TULP1: variants seen among roughly 807,000 people sequenced by gnomAD.
TULP1 encodes TUB like protein 1.
A neutral mutation model predicts 67.1 loss-of-function variants in TULP1; 50 were observed. The ratio of observed to expected loss-of-function variants is 0.75; its 90% CI spans 0.59 to 0.94. The LOEUF (loss-of-function observed/expected upper bound fraction) is 0.94. Among genes scored for constraint, TULP1 ranks in the 40% least tolerant of loss-of-function variants. The pLI is 0.00. For missense variants in TULP1, 746 were observed against 734.1 expected (o/e 1.02, Z -0.19); for synonymous variants, 297 against 294.0 (o/e 1.01, Z -0.11).
intron 14 of TULP1, among the ~76,000 whole-genome samples, chr6:35,499,039 C>T (rs1203677966): frequency 6.6e-6 from 1 of 152,224 alleles, no homozygotes; most frequent in African/African-American, 2.4e-5. Flanking sequence ...AGCAGTCCCA[C>T]AGCCACAGGA....
chr6:35,508,696 G>T (rs1402675446), intron 8 of TULP1, among the ~76,000 whole-genome samples: 1 of 152,226 alleles, frequency 6.6e-6, no homozygotes, highest in African/African-American at 2.4e-5. Context: ...AAGCTTGGAG[G>T]AGAAACAGGG....
At chr6:35,499,077 G>A (rs1054269182) in intron 14 of TULP1, among the ~76,000 whole-genome samples, 1 of 152,206 alleles carries the variant, frequency 6.6e-6, no homozygotes, top group Non-Finnish European at 1.5e-5. Context: ...ACATCCCTAG[G>A]ATGCAGTTGG....
chr6:35,501,598 GGTCAGGAGTTCAAGACCAA>G (rs1464676055), intron 13 of TULP1, among the ~76,000 whole-genome samples: 1 of 141,854 alleles, frequency 7.0e-6, no homozygotes, highest in African/African-American at 3.1e-5. Flanking sequence ...GGTCACTTGA[GGTCAGGAGTTCAAGACCAA>G]CCTGGCCATC....
chr6:35,511,900 C>T, intron 3 of TULP1, 94 bp from the exon 4 acceptor site: 5 of 1,356,830 alleles, frequency 3.7e-6, no homozygotes, highest in Non-Finnish European at 4.9e-6. Flanking sequence ...CGCACCCCCT[C>T]GGGCTCCTCA....
rs771233181 is a variant in TULP1 at position 35,503,533 on chromosome 6, A to T, written c.1323+26T>A. On this transcript the variant is annotated intron_variant, in intron 13 of 14. Coordinates refer to ENST00000229771, the MANE Select transcript of TULP1 (RefSeq NM_003322.6). This position sits in a 1 kb window ranked among gnomAD's most constrained non-coding sequence, Gnocchi z 4.0. ...ACTCCTGTTTCTCACATAGGGAGCC[A>T]GGGGCCAGGGAGGTGCGGGGCTCAC... The T allele has an allele frequency of 3.2e-6, 5 of 1,550,632 alleles. No homozygotes were observed. Among genetic ancestry groups the T allele is most frequent in the Middle Eastern group, 1.7e-4 (1 of 6,000 alleles).
intron 11 of TULP1, chr6:35,505,405 T>C: frequency 2.4e-6 from 1 of 424,198 alleles, no homozygotes; most frequent in Non-Finnish European, 4.5e-6. Flanking sequence ...TAATATGTGT[T>C]CAGTGCTAGG....
chr6:35,507,976 C>T (rs745383378), intron 8 of TULP1, among the ~76,000 whole-genome samples: 7 of 151,894 alleles, frequency 4.6e-5, no homozygotes, highest in Non-Finnish European at 1.0e-4. Context: ...CACCATGCCC[C>T]GATAATTTTT....
In TULP1 at chr6:35,498,258, C is replaced by A. The variant is rs1034024489; in HGVS notation, c.*69G>T. Reference sequence around the variant, plus strand: ...TCCGCGGGAGCTTTGCTGGAGGGACCCTGCCAGCCTCCACTGAATCCTTTC... The same window carrying A: ...TCCGCGGGAGCTTTGCTGGAGGGACACTGCCAGCCTCCACTGAATCCTTTC... On this transcript the variant is annotated 3_prime_UTR_variant, in exon 15 of 15. Coordinates refer to ENST00000229771, the MANE Select transcript of TULP1 (RefSeq NM_003322.6). This position sits in a 1 kb window ranked among gnomAD's most constrained non-coding sequence, Gnocchi z 6.7. The A allele has an allele frequency of 1.3e-6, 2 of 1,586,760 alleles. No individual in the cohort carries two copies. Among genetic ancestry groups the A allele is most frequent in the African/African-American group, 2.7e-5 (2 of 74,588 alleles).
chr6:35,501,765 T>TCCC (rs1760968072), intron 13 of TULP1, among the ~76,000 whole-genome samples: 1 of 152,214 alleles, frequency 6.6e-6, no homozygotes, highest in Non-Finnish European at 1.5e-5. Flanking sequence ...TGAGTTGCGA[T>TCCC]CAGGCCATTG....
chr6:35,505,450 C>A (rs1581739918), intron 11 of TULP1: 2 of 630,584 alleles, frequency 3.2e-6, no homozygotes, highest in South Asian at 1.6e-5. Context: ...ACAGTGCCTG[C>A]CCTCGTGGAA....
intron 13 of TULP1, among the ~76,000 whole-genome samples, chr6:35,501,966 G>C (rs1239675712): frequency 2.0e-5 from 3 of 151,906 alleles, no homozygotes; most frequent in Non-Finnish European, 4.4e-5. Context: ...CTGGTCACCT[G>C]GTGGTTCCTC....
chr6:35,502,001 A>T (rs1760976295), intron 13 of TULP1, among the ~76,000 whole-genome samples: 1 of 151,862 alleles, frequency 6.6e-6, no homozygotes, highest in Non-Finnish European at 1.5e-5. Flanking sequence ...CCCTCCTGCC[A>T]CAGGACCTTT....
chr6:35,499,165 C>A (rs991647452), intron 14 of TULP1, among the ~76,000 whole-genome samples: 2 of 152,170 alleles, frequency 1.3e-5, no homozygotes, highest in Non-Finnish European at 2.9e-5. Context: ...ACTTCCTCAC[C>A]CTAGTGGGAA....
intron 5 of TULP1, 123 bp downstream of exon 5, chr6:35,510,738 T>A: frequency 6.3e-7 from 1 of 1,595,488 alleles, no homozygotes; most frequent in Non-Finnish European, 8.5e-7. Flanking sequence ...GGAAAAACCC[T>A]CCGGTCACAG....
chr6:35,509,068 T>C, intron 8 of TULP1, 141 bp downstream of exon 8: 1 of 787,294 alleles, frequency 1.3e-6, no homozygotes, highest in Non-Finnish European at 2.2e-6. Flanking sequence ...GTTTCCTTTG[T>C]CCTTATATCC....
intron 7 of TULP1, 148 bp from the exon 8 acceptor site, chr6:35,509,460 T>C: frequency 9.3e-7 from 1 of 1,074,172 alleles, no homozygotes; most frequent in Non-Finnish European, 1.4e-6. Flanking sequence ...CTAAGACACC[T>C]GCCTGAGACC....
In TULP1 at chr6:35,498,408, T is replaced by C; in HGVS notation, c.1548A>G (p.Leu516=). ...FGRVAEDAFT[L]DYRYPLCALQ... is the part of the protein sequence containing the mutation. ...GGGCGCACAGCGGGTACCGGTAGTC[T>C]AGGGTGAAGGCGTCCTCCGCCACGC... Residue 516 remains leucine, a synonymous_variant, in exon 15 of 15, where the codon CTA becomes CTG. Coordinates refer to ENST00000229771, the MANE Select transcript of TULP1 (RefSeq NM_003322.6). The surrounding 1 kb of genome is among the most constrained non-coding windows in gnomAD (Gnocchi z 6.7). The C allele has an allele frequency of 1.2e-6, 2 of 1,613,944 alleles. No homozygotes were observed. The highest frequency in any genetic ancestry group is 1.7e-6 in the Non-Finnish European group (2 of 1,180,008).
Position 35,509,582 on chromosome 6 carries a change from G to A in TULP1, c.718+52C>T, listed in dbSNP as rs370754625. ...TGCTGTAAGGACCCTCTAGCTCCCC[G>A]CCCCCAGGACCACCTCAAGATGTCA... On this transcript the variant is annotated intron_variant, in intron 7 of 14. Transcript: ENST00000229771. 275 of 1,569,272 alleles carry A rather than the reference G, an allele frequency of 1.8e-4. 4 individuals are homozygous for A. In the East Asian group the frequency reaches 4.9e-3, roughly 28 times the overall value.
chr6:35,499,944 G>C (rs1434922243), intron 14 of TULP1, 37 bp downstream of exon 14: 1 of 1,612,506 alleles, frequency 6.2e-7, no homozygotes, highest in Admixed American at 1.7e-5. Flanking sequence ...CCTGGGGGTG[G>C]TGGAGAAGAG....
Sources: gnomAD v4.1 joint callset for allele counts (sites outside exome capture counted in the v4.1 genomes callset) on GRCh38, gnomAD v4.1.1 for gene constraint, Gnocchi (gnomAD v3.1) non-coding constraint, MANE v1.5 for transcripts, NCBI Gene and HGNC (gene_info 2026-07-23, HGNC 2026-07-21) for gene names.